EXT1: variants seen among roughly 807,000 people sequenced by gnomAD.
EXT1 encodes exostosin-1.
Under a neutral mutation model 82.5 loss-of-function variants are expected in EXT1, and 20 were observed. That is an observed-to-expected ratio of 0.24 (90% CI 0.17 to 0.35). EXT1 has a LOEUF of 0.35. EXT1 is among the 10% of genes least tolerant of loss of function. The pLI, the probability that EXT1 is intolerant of heterozygous loss-of-function variation, is 1.00. For synonymous variants in EXT1, 348 were observed against 350.8 expected, an observed-to-expected ratio of 0.99 and a Z score of 0.09; for missense variants, 757 against 936.5, an observed-to-expected ratio of 0.81 and a Z score of 2.50.
At chr8:117,978,424 A>G (rs1815113612) in intron 1 of EXT1, among the ~76,000 whole-genome samples, 1 of 152,198 alleles carries the variant, frequency 6.6e-6, no homozygotes. Flanking sequence ...CAGTAAGCAC[A>G]TCATCTCTTT....
Position 117,807,336 on chromosome 8 carries a change from C to G in EXT1, c.1764G>C (p.Arg588Ser). ...AFTVWQSFPE[R>S]IVGYPARSHF... ...GGCTGCGCGCGGGGTACCCCACAAT[C>G]CTCTCAGGGAAGCTCTGCCACACTG... The change falls in exon 9 of 11, where the codon AGG becomes AGC. Residue 588 changes from arginine (R) to serine (S), a missense_variant. Arg to Ser is a moderately radical substitution (Grantham distance 110). This residue lies in a region of EXT1 where 128 missense variants were observed against 223.2 expected (regional missense o/e 0.57). Transcript: ENST00000378204. 1.2e-5 allele frequency: 19 copies of G among 1,614,196 alleles called. No individual in the cohort carries two copies. Among genetic ancestry groups the G allele is most frequent in the Non-Finnish European group, 1.6e-5 (19 of 1,180,032 alleles).
At chr8:117,932,356 A>G (rs1814075734) in intron 1 of EXT1, among the ~76,000 whole-genome samples, 2 of 152,178 alleles carry the variant, frequency 1.3e-5, no homozygotes, top group South Asian at 4.1e-4. Context: ...GGTAAATCTG[A>G]AAAGATATTT....
At chr8:117,874,308 G>A (rs549762414) in intron 1 of EXT1, among the ~76,000 whole-genome samples, 11 of 151,990 alleles carry the variant, frequency 7.2e-5, no homozygotes, top group African/African-American at 1.7e-4. Flanking sequence ...CTGGCCGGAC[G>A]TGGTAGCTAC....
intron 1 of EXT1, among the ~76,000 whole-genome samples, chr8:117,927,269 A>T (rs1226141640): frequency 1.3e-5 from 2 of 152,204 alleles, no homozygotes; most frequent in Non-Finnish European, 2.9e-5. Context: ...AAAAAAAAGA[A>T]AAAAGGCAGA....
At chr8:118,053,801 T>C (rs756578361) in intron 1 of EXT1, among the ~76,000 whole-genome samples, 1 of 152,186 alleles carries the variant, frequency 6.6e-6, no homozygotes, top group Non-Finnish European at 1.5e-5. Context: ...CTCTGAACCA[T>C]GTTACTTCTG....
At chr8:117,814,869 T>C (rs1811774764) in intron 7 of EXT1, among the ~76,000 whole-genome samples, 1 of 152,108 alleles carries the variant, frequency 6.6e-6, no homozygotes, top group South Asian at 2.1e-4. Context: ...GCAGGCCTCA[T>C]CTCAAACTCG....
At chr8:117,951,744 A>G (rs1483897793) in intron 1 of EXT1, among the ~76,000 whole-genome samples, 1 of 152,228 alleles carries the variant, frequency 6.6e-6, no homozygotes, top group Non-Finnish European at 1.5e-5. Flanking sequence ...TCTATAAGCT[A>G]CAACCCATGG....
chr8:117,927,953 T>C (rs1422615459), intron 1 of EXT1, among the ~76,000 whole-genome samples: 2 of 152,206 alleles, frequency 1.3e-5, no homozygotes, highest in Non-Finnish European at 2.9e-5. Context: ...CTTTTCATAT[T>C]AGCTCCCATG....
intron 1 of EXT1, among the ~76,000 whole-genome samples, chr8:117,938,645 T>C (rs1814215397): frequency 6.6e-6 from 1 of 152,196 alleles, no homozygotes; most frequent in African/African-American, 2.4e-5. Flanking sequence ...ATCTATAGCA[T>C]AACACATCTT....
At chr8:117,959,548 C>T (rs986854064) in intron 1 of EXT1, among the ~76,000 whole-genome samples, 4 of 152,034 alleles carry the variant, frequency 2.6e-5, no homozygotes, top group African/African-American at 9.7e-5. Flanking sequence ...CTGCTTGAGG[C>T]AGATGCTGGA....
chr8:118,094,982 T>C (rs1817584030), intron 1 of EXT1, among the ~76,000 whole-genome samples: 1 of 152,192 alleles, frequency 6.6e-6, no homozygotes, highest in Non-Finnish European at 1.5e-5. Context: ...TTGAACACCA[T>C]GCCCTCCTCC....
At chr8:117,889,969 A>G (rs1342830943) in intron 1 of EXT1, among the ~76,000 whole-genome samples, 2 of 152,332 alleles carry the variant, frequency 1.3e-5, no homozygotes, top group East Asian at 3.9e-4. Context: ...AATTTCCCTG[A>G]CAAAACCACT....
At chr8:118,073,035 A>T (rs1817125723) in intron 1 of EXT1, among the ~76,000 whole-genome samples, 1 of 152,242 alleles carries the variant, frequency 6.6e-6, no homozygotes, top group African/African-American at 2.4e-5. Context: ...CTTCAGGGGC[A>T]GATGCCAATA....
rs1432521040 is a variant in EXT1 at position 117,972,815 on chromosome 8, T to TA, written c.963-135615dup. On this transcript the variant is annotated intron_variant, in intron 1 of 10. Transcript: ENST00000378204. ...AGTGAAGAGGGGCAAAAGCCCCTTA[T>TA]AAAACCATCAGATCTCATGAGAACT... 3.3e-5 allele frequency among the ~76,000 whole-genome samples: 5 copies of TA among 152,134 alleles called. 1 individual carries two copies. Among genetic ancestry groups the TA allele is most frequent in the African/African-American group, 1.2e-4 (5 of 41,428 alleles).
At chr8:117,807,877 C>A (rs1353948746) in intron 8 of EXT1, among the ~76,000 whole-genome samples, 1 of 150,354 alleles carries the variant, frequency 6.7e-6, no homozygotes, top group Admixed American at 6.6e-5. Context: ...AAAAAAAAAA[C>A]ACCACAAGTT....
chr8:118,054,203 A>G (rs1228559240), intron 1 of EXT1, among the ~76,000 whole-genome samples: 1 of 152,198 alleles, frequency 6.6e-6, no homozygotes, highest in Non-Finnish European at 1.5e-5. Context: ...TTTTCACCAT[A>G]GCAATGGTCT....
chr8:118,111,772 C>T lies in EXT1; in HGVS notation c.-726G>A, dbSNP rs1169390114. 6 of 149,084 alleles carry T rather than the reference C, an allele frequency of 4.0e-5. No homozygotes were observed. The highest frequency in any genetic ancestry group is 1.5e-4 in the African/African-American group (6 of 41,168). 9.2% of individuals were successfully genotyped at this position (149,084 alleles called of 1,614,324 possible). A position where few individuals can be genotyped will look rare whatever the true frequency, so the allele number is the denominator to read the frequency against. On this transcript the variant is annotated 5_prime_UTR_variant, in exon 1 of 11. Coordinates refer to ENST00000378204, the MANE Select transcript of EXT1 (RefSeq NM_000127.3). ...CGGGCAGTGCCGGCCCCGAGCAGCG[C>T]TTCGCAGGCCCCCGCGCGAACGCTG...
At chr8:118,060,028 ATCT>A (rs1816858449) in intron 1 of EXT1, among the ~76,000 whole-genome samples, 1 of 152,146 alleles carries the variant, frequency 6.6e-6, no homozygotes, top group Non-Finnish European at 1.5e-5. Context: ...ACCTCTAAAA[ATCT>A]TCTCCAAAAA....
intron 1 of EXT1, among the ~76,000 whole-genome samples, chr8:118,027,322 C>T (rs1478599303): frequency 6.6e-5 from 4 of 60,822 alleles, no homozygotes; most frequent in Non-Finnish European, 3.1e-5. Flanking sequence ...TTCACACACA[C>T]ACACACACAC....
Sources: gnomAD v4.1 joint callset for allele counts (sites outside exome capture counted in the v4.1 genomes callset) on GRCh38, gnomAD v4.1.1 for gene constraint, gnomAD v4.1.1 regional missense constraint, MANE v1.5 for transcripts, NCBI Gene and HGNC (gene_info 2026-07-23, HGNC 2026-07-21) for gene names.